Variants in ABCG2 observed in about 807,000 individuals in gnomAD.
ABCG2 encodes ATP binding cassette subfamily G member 2 (JR blood group), also known as broad substrate specificity ATP-binding cassette transporter ABCG2.
Under a neutral mutation model 73.5 loss-of-function variants are expected in ABCG2, and 80 were observed. That is an observed-to-expected ratio of 1.09 (90% CI 0.91 to 1.31). The LOEUF (loss-of-function observed/expected upper bound fraction) is 1.31, where lower values mean the gene tolerates loss of function less well. ABCG2 is among the 50% of genes most tolerant of loss of function. The pLI, the probability that ABCG2 is intolerant of heterozygous loss-of-function variation, is 0.00. For missense variants in ABCG2, 796 were observed against 786.2 expected, an observed-to-expected ratio of 1.01 and a Z score of -0.15; for synonymous variants, 269 against 282.4, an observed-to-expected ratio of 0.95 and a Z score of 0.48.
rs780404667 is a variant in ABCG2, at chr4:88,099,462, A to T, written c.1368-14T>A. On this transcript the variant is annotated splice_polypyrimidine_tract_variant and intron_variant, in intron 11 of 15. Transcript: ENST00000237612. Reference sequence around the variant, plus strand: ...ATGTATTCATGTCTATAGAACAAAAATACGTATCATACATCCAAGATTAGT... The same window carrying T: ...ATGTATTCATGTCTATAGAACAAAATTACGTATCATACATCCAAGATTAGT... 3.8e-6 allele frequency: 6 copies of T among 1,588,230 alleles called. No homozygotes were observed. Among genetic ancestry groups the T allele is most frequent in the Non-Finnish European group, 5.1e-6 (6 of 1,169,946 alleles).
intron 1 of ABCG2, among the ~76,000 whole-genome samples, chr4:88,184,321 A>T (rs1463449280): frequency 1.3e-5 from 2 of 152,230 alleles, no homozygotes; most frequent in African/African-American, 4.8e-5. Flanking sequence ...TAAAGACTCC[A>T]GCAAAAACCT....
At chr4:88,148,988 G>GCTA (rs1726250332) in intron 1 of ABCG2, among the ~76,000 whole-genome samples, 1 of 152,076 alleles carries the variant, frequency 6.6e-6, no homozygotes. Flanking sequence ...ACCCTACAAG[G>GCTA]CTACTGTTTT....
At chr4:88,221,424 A>G (rs1730008386) in intron 1 of ABCG2, among the ~76,000 whole-genome samples, 1 of 152,218 alleles carries the variant, frequency 6.6e-6, no homozygotes, top group Non-Finnish European at 1.5e-5. Context: ...GGAACTGGGT[A>G]ACAGGCAGAG....
intron 1 of ABCG2, among the ~76,000 whole-genome samples, chr4:88,192,297 G>A (rs28593007): frequency 2.4e-3 from 371 of 152,232 alleles, no homozygotes; most frequent in African/African-American, 8.5e-3. Flanking sequence ...AATGGGGTTC[G>A]TAATGACTAT....
intron 2 of ABCG2, among the ~76,000 whole-genome samples, chr4:88,136,377 A>G (rs2110049133): frequency 6.6e-6 from 1 of 152,278 alleles, no homozygotes; most frequent in Non-Finnish European, 1.5e-5. Flanking sequence ...TCTCCTCCAT[A>G]AAAATCAACA....
intron 1 of ABCG2, among the ~76,000 whole-genome samples, chr4:88,209,349 CA>C: frequency 6.8e-6 from 1 of 148,108 alleles, no homozygotes; most frequent in Non-Finnish European, 1.5e-5. Context: ...CAAGAAACAC[CA>C]AAAAAAACAA....
chr4:88,208,365 C>T (rs1194572760), intron 1 of ABCG2, among the ~76,000 whole-genome samples: 3 of 152,154 alleles, frequency 2.0e-5, no homozygotes, highest in South Asian at 2.1e-4. Context: ...CTCAAGCTCT[C>T]GCCTTCCCAT....
rs368767679 is a variant in ABCG2, at chr4:88,136,155, G to T, written c.204-3520C>A. 1.1e-4 allele frequency among the ~76,000 whole-genome samples: 16 copies of T among 152,226 alleles called. No homozygotes were observed. In the East Asian group the frequency reaches 3.1e-3, roughly 29 times the overall value. On this transcript the variant is annotated intron_variant, in intron 2 of 15. Transcript: ENST00000237612. ...GGGAATGGTCACCACTGCTCCCCCAGCTCTTCTCCCGCCCGCTTTGGCCAG... is the reference window on the plus strand; with the variant it reads ...GGGAATGGTCACCACTGCTCCCCCATCTCTTCTCCCGCCCGCTTTGGCCAG...
intron 1 of ABCG2, among the ~76,000 whole-genome samples, chr4:88,204,218 G>A (rs375792197): frequency 5.3e-5 from 8 of 152,080 alleles, no homozygotes; most frequent in South Asian, 2.1e-4. Flanking sequence ...TCAAAAGATC[G>A]AGAATATCCC....
chr4:88,176,988 A>G (rs1046183599), intron 1 of ABCG2, among the ~76,000 whole-genome samples: 4 of 152,174 alleles, frequency 2.6e-5, no homozygotes, highest in African/African-American at 4.8e-5. Flanking sequence ...GAAAAATACT[A>G]CTTAACATCA....
chr4:88,159,098 C>G (rs1727165601), upstream of ABCG2: 2 of 455,704 alleles, frequency 4.4e-6, no homozygotes, highest in South Asian at 1.5e-5. Flanking sequence ...GTCACCCTGC[C>G]GTGACACGCA....
At chr4:88,180,807 T>C (rs1413565851) in intron 1 of ABCG2, among the ~76,000 whole-genome samples, 1 of 151,852 alleles carries the variant, frequency 6.6e-6, no homozygotes, top group African/African-American at 2.4e-5. Context: ...TAATGAGCAA[T>C]AAGGAATCAC....
At position 88,172,187 on chromosome 4, in the gene ABCG2, C is replaced by T. The variant is rs940395232; in HGVS notation, c.-19-32173G>A. On this transcript the variant is annotated intron_variant, in intron 1 of 15. Coordinates refer to the ABCG2 transcript ENST00000515655. ...GCAGGTGCCTGTAATCCCAGCTACT[C>T]GGGAGGCTGAGGCAGGAGAATCCTT... 8.0e-5 allele frequency among the ~76,000 whole-genome samples: 12 copies of T among 149,910 alleles called. No individual in the cohort carries two copies. In the East Asian group the frequency reaches 1.8e-3, roughly 22 times the overall value.
intron 11 of ABCG2, 79 bp from the exon 12 acceptor site, chr4:88,099,527 A>C: frequency 7.1e-7 from 1 of 1,409,494 alleles, no homozygotes; most frequent in Non-Finnish European, 9.5e-7. Flanking sequence ...TCTGTTACAG[A>C]CCTCTGCTGA....
chr4:88,208,173 G>A (rs1032877737), intron 1 of ABCG2, among the ~76,000 whole-genome samples: 12 of 152,118 alleles, frequency 7.9e-5, no homozygotes, highest in African/African-American at 2.7e-4. Context: ...GAGTGTCATT[G>A]GGATTGCCCT....
At position 88,203,742 on chromosome 4, in the gene ABCG2, G is replaced by A. The variant is rs561006156; in HGVS notation, c.-20+27252C>T. ...GCACTCCAGCCTGGGTGACAACAGC[G>A]AAACTCAGTTTCAAAAAAAAAAAAA... On this transcript the variant is annotated intron_variant, in intron 1 of 15. Transcript: ENST00000515655. Among the ~76,000 whole-genome samples, 11 of 114,114 alleles carry A rather than the reference G, an allele frequency of 9.6e-5. No individual in the cohort carries two copies. In the South Asian group the frequency reaches 1.0e-3, roughly 10 times the overall value. 74.9% of individuals were successfully genotyped at this position (114,114 alleles called of 152,430 possible).
chr4:88,159,149 T>G, upstream of ABCG2: 1 of 456,262 alleles, frequency 2.2e-6, no homozygotes. Context: ...TCGAACGGAA[T>G]GAACCAGAGT....
chr4:88,113,435 C>G lies in ABCG2; in HGVS notation c.1062G>C (p.Gly354=), dbSNP rs1174857635. The G allele has an allele frequency of 6.2e-7, 1 of 1,614,048 alleles. No homozygotes were observed. The highest frequency in any genetic ancestry group is 8.5e-7 in the Non-Finnish European group (1 of 1,180,014). The change falls in exon 9 of 16, where the codon GGG becomes GGC. Residue 354 remains glycine, a synonymous_variant. Transcript: ENST00000237612. ...ETKAELHQLS[G]GEKKKKITVF... ...CTGTGATCTTCTTCTTCTTCTCACC[C>G]CCGGAAAGTTGATGTAATTCAGCTT...
At chr4:88,172,593 AATT>A (rs1015730992) in intron 1 of ABCG2, among the ~76,000 whole-genome samples, 3 of 150,948 alleles carry the variant, frequency 2.0e-5, no homozygotes, top group Non-Finnish European at 4.4e-5. Context: ...AAAAAAAAAA[AATT>A]AATTAATTAA....
Sources: gnomAD v4.1 joint callset for allele counts (sites outside exome capture counted in the v4.1 genomes callset) on GRCh38, gnomAD v4.1.1 for gene constraint, MANE v1.5 for transcripts, NCBI Gene and HGNC (gene_info 2026-07-23, HGNC 2026-07-21) for gene names.